Variants in NHS observed in about 807,000 individuals in gnomAD.
The protein encoded by NHS is actin remodeling regulator NHS.
NHS carries 5 observed loss-of-function variants against 72.5 expected under a neutral mutation model. The ratio of observed to expected loss-of-function variants is 0.07; its 90% CI spans 0.04 to 0.14. NHS has a LOEUF of 0.14. Among genes scored for constraint, NHS ranks in the 10% least tolerant of loss-of-function variants. The pLI is 1.00. For missense variants in NHS, 1,072 were observed against 1,355.7 expected, an observed-to-expected ratio of 0.79 and a Z score of 3.29; for synonymous variants, 464 against 547.7, an observed-to-expected ratio of 0.85 and a Z score of 2.13.
chrX:17,714,195 T>C (rs1173405072), intron 3 of NHS, among the ~76,000 whole-genome samples: 1 of 108,080 alleles, frequency 9.3e-6, no homozygotes, highest in East Asian at 2.9e-4. Context: ...TTATGAAAAA[T>C]CTCAAAGGTA....
At chrX:17,483,451 C>T (rs182147951) in intron 1 of NHS, among the ~76,000 whole-genome samples, 127 of 111,751 alleles carry the variant, frequency 1.1e-3, no homozygotes, top group Non-Finnish European at 1.7e-3. Context: ...CTAATACCAC[C>T]GTGGTTTGTT....
chrX:17,677,094 C>T (rs1188169919), intron 1 of NHS, among the ~76,000 whole-genome samples: 3 of 111,280 alleles, frequency 2.7e-5, no homozygotes, highest in Non-Finnish European at 5.7e-5. Flanking sequence ...TTAACAAAGT[C>T]TCCAGGTGAT....
At chrX:17,412,803 T>G (rs1175924122) in intron 1 of NHS, among the ~76,000 whole-genome samples, 1 of 112,576 alleles carries the variant, frequency 8.9e-6, no homozygotes, top group Non-Finnish European at 1.9e-5. Context: ...ATTATCTTAA[T>G]CAAAGATTCA....
intron 1 of NHS, among the ~76,000 whole-genome samples, chrX:17,461,713 T>TGGG (rs2064848262): frequency 8.8e-6 from 1 of 113,052 alleles, no homozygotes; most frequent in African/African-American, 3.2e-5. Context: ...TACAATTCTG[T>TGGG]GGGTCATCCG....
At chrX:17,418,083 T>C (rs1209694864) in intron 1 of NHS, among the ~76,000 whole-genome samples, 1 of 111,828 alleles carries the variant, frequency 8.9e-6, no homozygotes, top group Non-Finnish European at 1.9e-5. Context: ...ATGAAGCTGC[T>C]CAAATCTCCT....
In NHS at chrX:17,452,224, A is replaced by G. The variant is rs931112066; in HGVS notation, c.565+75902A>G. Among the ~76,000 whole-genome samples the G allele has an allele frequency of 3.6e-5, 4 of 111,707 alleles. No individual in the cohort carries two copies. In the Admixed American group the frequency reaches 3.8e-4, roughly 11 times the overall value. The stretch of plus-strand genomic sequence containing the variant: ...GCACATTGTTGAAGCACCTCACCCA[A>G]TCTAGAGGATATATGAAGGCTTCTC... On this transcript the variant is annotated intron_variant, in intron 1 of 8. Transcript: ENST00000676302.
chrX:17,619,128 G>A (rs770040635), intron 1 of NHS, among the ~76,000 whole-genome samples: 11 of 112,453 alleles, frequency 9.8e-5, no homozygotes, highest in Non-Finnish European at 2.1e-4. Flanking sequence ...GTGAGCAGAA[G>A]TAATGGAGTC....
chrX:17,589,264 G>C (rs1170810147), intron 1 of NHS, among the ~76,000 whole-genome samples: 1 of 111,389 alleles, frequency 9.0e-6, no homozygotes, highest in African/African-American at 3.3e-5. Context: ...CCCATCACCT[G>C]AGCAGTATAT....
chrX:17,727,904 C>G lies in NHS; in HGVS notation c.3798C>G (p.Asn1266Lys), dbSNP rs1364085112. Residue 1266 changes from asparagine (N) to lysine (K), a missense_variant, in exon 7 of 9, where the codon AAC becomes AAG. Transcript: ENST00000676302. ...TTCCAGAAAACACGCCAACCAAAAA[C>G]TGTGCTTTTCCCACAGAAGGATTTC... Reference protein sequence around the residue: ...EPIPENTPTKNCAFPTEGFQR... With the variant: ...EPIPENTPTKKCAFPTEGFQR... 9.1e-6 allele frequency: 11 copies of G among 1,210,258 alleles called. No homozygotes were observed. Among genetic ancestry groups the G allele is most frequent in the Non-Finnish European group, 1.1e-5 (10 of 895,406 alleles).
In NHS at chrX:17,398,874, C is replaced by G. The variant is rs146115407; in HGVS notation, c.565+22552C>G. On this transcript the variant is annotated intron_variant, in intron 1 of 8. Transcript: ENST00000676302. Reference sequence around the variant, plus strand: ...TGAAGAAATAGACTCTACTTCTTGACTGGAGAATTTCAAGGTTTTTGGACA... The same window carrying G: ...TGAAGAAATAGACTCTACTTCTTGAGTGGAGAATTTCAAGGTTTTTGGACA... Among the ~76,000 whole-genome samples the G allele has an allele frequency of 2.9e-3, 326 of 112,017 alleles. 2 individuals are homozygous for G. The highest frequency in any genetic ancestry group is 0.01 in the African/African-American group (317 of 30,851).
intron 1 of NHS, among the ~76,000 whole-genome samples, chrX:17,485,992 A>G (rs774204370): frequency 6.3e-5 from 7 of 111,698 alleles, no homozygotes; most frequent in Non-Finnish European, 1.1e-4. Flanking sequence ...AATATATCAC[A>G]GGGCACAACT....
chrX:17,536,726 C>T (rs1026220846), intron 1 of NHS, among the ~76,000 whole-genome samples: 2 of 112,473 alleles, frequency 1.8e-5, no homozygotes, highest in Admixed American at 1.9e-4. Flanking sequence ...AGATAGGTCT[C>T]ACTTATGCCA....
chrX:17,411,267 G>C (rs768956639), intron 1 of NHS, among the ~76,000 whole-genome samples: 1 of 111,624 alleles, frequency 9.0e-6, no homozygotes, highest in Non-Finnish European at 1.9e-5. Flanking sequence ...GATTTCTTAC[G>C]TAGCTATAAT....
At chrX:17,534,286 G>T (rs1210575092) in intron 1 of NHS, among the ~76,000 whole-genome samples, 1 of 112,210 alleles carries the variant, frequency 8.9e-6, no homozygotes, top group Non-Finnish European at 1.9e-5. Context: ...ATTAGAGAAT[G>T]CCTCCTGAAG....
At chrX:17,378,850 G>A (rs1056900073) in intron 1 of NHS, among the ~76,000 whole-genome samples, 3 of 111,792 alleles carry the variant, frequency 2.7e-5, no homozygotes, top group African/African-American at 9.8e-5. Flanking sequence ...TCTGGGTCTT[G>A]CCCCACATGT....
intron 1 of NHS, among the ~76,000 whole-genome samples, chrX:17,428,184 C>G (rs1304972555): frequency 8.9e-6 from 1 of 112,429 alleles, no homozygotes; most frequent in Non-Finnish European, 1.9e-5. Flanking sequence ...AAACCATCAG[C>G]CAAGCCAGAT....
At chrX:17,492,023 T>C (rs1194307586) in intron 1 of NHS, among the ~76,000 whole-genome samples, 2 of 111,429 alleles carry the variant, frequency 1.8e-5, no homozygotes, top group African/African-American at 6.5e-5. Context: ...TCTTTTCTCT[T>C]TTCTTCTTTA....
chrX:17,667,982 G>A (rs1294029082), intron 1 of NHS, among the ~76,000 whole-genome samples: 1 of 108,094 alleles, frequency 9.3e-6, no homozygotes, highest in East Asian at 2.9e-4. Context: ...GCCAGGCATG[G>A]TGGCTCATGC....
intron 1 of NHS, among the ~76,000 whole-genome samples, chrX:17,396,198 A>C (rs60794080): frequency 8.9e-6 from 1 of 112,314 alleles, no homozygotes; most frequent in Non-Finnish European, 1.9e-5. Context: ...ATGATCCACT[A>C]TGAGAAATAC....
Sources: allele counts gnomAD v4.1 joint callset (sites outside exome capture counted in the v4.1 genomes callset), GRCh38; gene constraint gnomAD v4.1.1; transcripts MANE v1.5; gene names NCBI Gene and HGNC (gene_info 2026-07-23, HGNC 2026-07-21).